Variants in PHF21A observed in about 807,000 individuals in gnomAD.
The protein encoded by PHF21A is PHD finger protein 21A, also known as BHC80a.
In PHF21A, 11 loss-of-function variants were observed where a neutral mutation model predicts 82.5. That is an observed-to-expected ratio of 0.13 (90% CI 0.08 to 0.22). The LOEUF is 0.22. PHF21A is among the 10% of genes least tolerant of loss of function. The probability of loss-of-function intolerance (pLI) is 1.00; values close to 1 mark genes in which losing one functional copy is unlikely to be tolerated. For missense variants in PHF21A, 579 were observed against 837.8 expected, an observed-to-expected ratio of 0.69 and a Z score of 3.81; for synonymous variants, 297 against 302.8, an observed-to-expected ratio of 0.98 and a Z score of 0.20.
Position 45,935,502 on chromosome 11 carries a change from T to G in PHF21A, c.1788+134A>C, listed in dbSNP as rs111501765. ...ACTCTAACTGGATGGCAAACTGCAT[T>G]TGCCCAAGTTAATCACGTTAATAAA... is the stretch of plus-strand genomic sequence containing the variant. On this transcript the variant is annotated intron_variant, in intron 18 of 18. Transcript: ENST00000676320. 3.1e-3 allele frequency: 2,103 copies of G among 681,380 alleles called. 34 individuals carry two copies. In the African/African-American group the frequency reaches 0.034, roughly 11 times the overall value. 42.2% of individuals were successfully genotyped at this position (681,380 alleles called of 1,614,324 possible). A position where few individuals can be genotyped will look rare whatever the true frequency, so the allele number is the denominator to read the frequency against.
At chr11:46,118,341 ACTTTATTATG>A (rs1851967135) in intron 1 of PHF21A, among the ~76,000 whole-genome samples, 1 of 151,512 alleles carries the variant, frequency 6.6e-6, no homozygotes, top group Admixed American at 6.6e-5. Flanking sequence ...CAAGCAAAAC[ACTTTATTATG>A]GGCAGCCAAG....
chr11:46,120,062 A>T (rs1171766798), intron 1 of PHF21A, among the ~76,000 whole-genome samples: 1 of 149,096 alleles, frequency 6.7e-6, no homozygotes, highest in Non-Finnish European at 1.5e-5. Flanking sequence ...CAAGTTGCAG[A>T]AGAAGAAGAA....
At chr11:46,018,179 G>A (rs916940232) in intron 6 of PHF21A, among the ~76,000 whole-genome samples, 12 of 151,504 alleles carry the variant, frequency 7.9e-5, no homozygotes, top group African/African-American at 2.7e-4. Flanking sequence ...GAACCCGGGA[G>A]GCGGAGCTTG....
At chr11:46,110,786 C>A (rs898314330) in intron 1 of PHF21A, among the ~76,000 whole-genome samples, 2 of 135,108 alleles carry the variant, frequency 1.5e-5, no homozygotes, top group Non-Finnish European at 3.1e-5. Context: ...TACATATTAA[C>A]AATTTTTTTT....
At chr11:46,072,720 G>A (rs2096669202) in intron 6 of PHF21A, among the ~76,000 whole-genome samples, 1 of 152,170 alleles carries the variant, frequency 6.6e-6, no homozygotes, top group African/African-American at 2.4e-5. Context: ...CTCCTCTGAG[G>A]AAGTGACATT....
At chr11:46,003,384 A>G (rs1362846842) in intron 6 of PHF21A, among the ~76,000 whole-genome samples, 1 of 152,142 alleles carries the variant, frequency 6.6e-6, no homozygotes, top group African/African-American at 2.4e-5. Flanking sequence ...AATGAGGATA[A>G]TACCTATCCT....
At chr11:46,118,295 G>A (rs1851951137) in intron 1 of PHF21A, 2 of 151,726 alleles carry the variant, frequency 1.3e-5, no homozygotes, top group Non-Finnish European at 1.5e-5. Context: ...CTGCAAAATT[G>A]TCTAAAAACT....
At chr11:46,111,109 C>T (rs898382568) in intron 1 of PHF21A, among the ~76,000 whole-genome samples, 1 of 149,662 alleles carries the variant, frequency 6.7e-6, no homozygotes, top group African/African-American at 2.4e-5. Flanking sequence ...TAAATCACAA[C>T]TATGTGGGGG....
At chr11:46,017,134 C>T (rs1013653737) in intron 6 of PHF21A, among the ~76,000 whole-genome samples, 3 of 152,106 alleles carry the variant, frequency 2.0e-5, no homozygotes, top group Non-Finnish European at 4.4e-5. Context: ...CCACACCCAG[C>T]TAATTTTTGT....
chr11:46,101,218 T>C (rs2097091586), intron 1 of PHF21A, among the ~76,000 whole-genome samples: 1 of 152,214 alleles, frequency 6.6e-6, no homozygotes. Flanking sequence ...GCAGGCATCG[T>C]TCTTCACTAA....
intron 6 of PHF21A, among the ~76,000 whole-genome samples, chr11:45,989,490 T>TA (rs57370032): frequency 0.13 from 13,293 of 100,880 alleles, 1,220 homozygotes; most frequent in African/African-American, 0.25. Flanking sequence ...CCATCTCTAC[T>TA]AAAAAAAAAA....
At chr11:46,049,291 G>A (rs1028727012) in intron 6 of PHF21A, 1 of 359,054 alleles carries the variant, frequency 2.8e-6, no homozygotes, top group East Asian at 8.1e-5. Flanking sequence ...TGATAGTAAG[G>A]TATGTTGTCC....
Position 45,953,641 on chromosome 11 carries a change from T to A in PHF21A, c.997-16A>T. 3 of 1,546,376 alleles carry A rather than the reference T, an allele frequency of 1.9e-6. No homozygotes were observed. Among genetic ancestry groups the A allele is most frequent in the Non-Finnish European group, 2.7e-6 (3 of 1,121,328 alleles). ...ATTTAACTGTCTAGGAGAGAAAAAT[T>A]AAATAAAAATTCAGAATTCGTTTTT... On this transcript the variant is annotated splice_polypyrimidine_tract_variant and intron_variant, in intron 10 of 18. Transcript: ENST00000676320.
intron 6 of PHF21A, among the ~76,000 whole-genome samples, chr11:46,000,526 C>G (rs2095084439): frequency 6.6e-6 from 1 of 151,712 alleles, no homozygotes; most frequent in Non-Finnish European, 1.5e-5. Context: ...TAACGTTTTT[C>G]TTTTGAAAAG....
At chr11:45,946,095 T>A in intron 14 of PHF21A, 92 bp from the exon 15 acceptor site, 1 of 1,613,830 alleles carries the variant, frequency 6.2e-7, no homozygotes, top group African/African-American at 1.3e-5. Context: ...GTGTTCCTCA[T>A]TGGCTAGCAT....
intron 6 of PHF21A, among the ~76,000 whole-genome samples, chr11:46,008,487 G>C (rs1178976833): frequency 6.6e-6 from 1 of 152,138 alleles, no homozygotes; most frequent in Non-Finnish European, 1.5e-5. Context: ...CAGTAGAGAA[G>C]TGCCAATGTC....
intron 18 of PHF21A, chr11:45,935,411 A>C: frequency 1.4e-6 from 1 of 723,534 alleles, no homozygotes; most frequent in East Asian, 2.9e-5. Context: ...GATTAAAGCC[A>C]AGAGGATGTT....
chr11:45,958,396 C>CAAAAAAAAAA (rs1159762183), intron 10 of PHF21A, among the ~76,000 whole-genome samples: 73 of 1,064 alleles, frequency 0.069, 32 homozygotes, highest in East Asian at 0.39. Flanking sequence ...AACCTGGTCT[C>CAAAAAAAAAA]AAAAAAAAAA....
At chr11:45,965,713 T>C (rs756716094) in intron 9 of PHF21A, 105 bp from the exon 10 acceptor site, 75 of 849,290 alleles carry the variant, frequency 8.8e-5, no homozygotes, top group Non-Finnish European at 1.2e-4. Context: ...AATACACTTA[T>C]TAATGTTCAT....
Sources: gnomAD v4.1 joint callset for allele counts (sites outside exome capture counted in the v4.1 genomes callset) on GRCh38, gnomAD v4.1.1 for gene constraint, MANE v1.5 for transcripts, NCBI Gene and HGNC (gene_info 2026-07-23, HGNC 2026-07-21) for gene names.